Variants in NLGN1 observed in about 807,000 individuals in gnomAD.
NLGN1 encodes neuroligin 1, also known as neuroligin-1.
NLGN1 carries 12 observed loss-of-function variants against 65.5 expected under a neutral mutation model. The observed-to-expected ratio is 0.18, with a 90% CI of 0.12 to 0.30. The LOEUF is 0.30. Among genes scored for constraint, NLGN1 ranks in the 10% least tolerant of loss-of-function variants. The pLI is 1.00. For missense variants in NLGN1, 750 were observed against 1,007.1 expected (o/e 0.74, Z 3.46); for synonymous variants, 350 against 359.5 (o/e 0.97, Z 0.30).
intron 2 of NLGN1, among the ~76,000 whole-genome samples, chr3:173,468,220 TA>T (rs1240609744): frequency 6.6e-6 from 1 of 152,100 alleles, no homozygotes; most frequent in Non-Finnish European, 1.5e-5. Context: ...AATGAATAAA[TA>T]ACTGGATTAG....
intron 4 of NLGN1, among the ~76,000 whole-genome samples, chr3:174,032,948 C>A (rs1235671747): frequency 6.6e-6 from 1 of 151,614 alleles, no homozygotes; most frequent in African/African-American, 2.4e-5. Flanking sequence ...CAGTGGGGGA[C>A]AGAAGCAAAT....
intron 4 of NLGN1, among the ~76,000 whole-genome samples, chr3:173,872,306 G>A (rs751052205): frequency 8.5e-5 from 13 of 152,204 alleles, no homozygotes; most frequent in African/African-American, 2.7e-4. Flanking sequence ...CGTCCCCAGT[G>A]TGGGCCTATG....
intron 3 of NLGN1, among the ~76,000 whole-genome samples, chr3:173,771,563 A>G (rs952855953): frequency 9.2e-5 from 5 of 54,550 alleles, no homozygotes; most frequent in Admixed American, 7.8e-4. Flanking sequence ...GAAAATAACT[A>G]ACACCTTGAA....
chr3:173,606,611 G>A (rs1421166816), intron 3 of NLGN1, among the ~76,000 whole-genome samples: 2 of 151,910 alleles, frequency 1.3e-5, no homozygotes, highest in African/African-American at 4.8e-5. Context: ...AAACTGTTCT[G>A]TTCTACTGGG....
intron 2 of NLGN1, among the ~76,000 whole-genome samples, chr3:173,451,825 A>G (rs916706722): frequency 2.0e-5 from 3 of 152,238 alleles, no homozygotes; most frequent in South Asian, 2.1e-4. Flanking sequence ...TGCTAGCATG[A>G]GCAAGGCTCC....
At chr3:173,517,785 T>TCTAC (rs1182028396) in intron 2 of NLGN1, among the ~76,000 whole-genome samples, 1 of 151,918 alleles carries the variant, frequency 6.6e-6, no homozygotes, top group Non-Finnish European at 1.5e-5. Flanking sequence ...TATCTATCTA[T>TCTAC]CTATCTATCT....
At chr3:174,042,979 G>A (rs1159197431) in intron 4 of NLGN1, among the ~76,000 whole-genome samples, 1 of 152,106 alleles carries the variant, frequency 6.6e-6, no homozygotes, top group Non-Finnish European at 1.5e-5. Context: ...TGCATAGCTG[G>A]GGAGGCCTCA....
At chr3:174,124,601 A>C (rs538918364) in intron 4 of NLGN1, among the ~76,000 whole-genome samples, 1 of 146,324 alleles carries the variant, frequency 6.8e-6, no homozygotes, top group African/African-American at 2.5e-5. Context: ...ATACGTATAC[A>C]TATATACGTA....
At chr3:174,203,570 A>T (rs1372424261) in intron 4 of NLGN1, among the ~76,000 whole-genome samples, 1 of 152,162 alleles carries the variant, frequency 6.6e-6, no homozygotes, top group East Asian at 1.9e-4. Context: ...TGCAGAAGGC[A>T]GACAGAGATC....
chr3:174,034,624 G>A (rs753298274), intron 4 of NLGN1, among the ~76,000 whole-genome samples: 4 of 151,996 alleles, frequency 2.6e-5, no homozygotes, highest in Admixed American at 6.6e-5. Context: ...GGTAGACATC[G>A]ATTAGTTTAA....
chr3:173,896,685 G>A (rs9882870), intron 4 of NLGN1, among the ~76,000 whole-genome samples: 31,293 of 151,942 alleles, frequency 0.21, 3,607 homozygotes, highest in East Asian at 0.35. Context: ...CCCAGTCTCT[G>A]GTCACAGTTC....
At chr3:173,981,389 G>A (rs1718743136) in intron 4 of NLGN1, among the ~76,000 whole-genome samples, 1 of 152,134 alleles carries the variant, frequency 6.6e-6, no homozygotes, top group Non-Finnish European at 1.5e-5. Flanking sequence ...ATGGTAAAAT[G>A]TTTAGTAAGA....
chr3:173,952,777 C>CTT (rs201322891), intron 4 of NLGN1, among the ~76,000 whole-genome samples: 7 of 138,120 alleles, frequency 5.1e-5, no homozygotes, highest in Admixed American at 7.3e-5. Flanking sequence ...TAAAATTTAC[C>CTT]TTTTTTTTTT....
intron 4 of NLGN1, among the ~76,000 whole-genome samples, chr3:174,128,432 A>C (rs1719426010): frequency 6.6e-6 from 1 of 152,214 alleles, no homozygotes; most frequent in African/African-American, 2.4e-5. Flanking sequence ...ACGTTTTCTG[A>C]AATATTTTCA....
intron 3 of NLGN1, among the ~76,000 whole-genome samples, chr3:173,766,297 C>T (rs1778785913): frequency 6.6e-6 from 1 of 152,038 alleles, no homozygotes; most frequent in Non-Finnish European, 1.5e-5. Context: ...CCATATTGGC[C>T]AGGCTGGTCT....
intron 4 of NLGN1, among the ~76,000 whole-genome samples, chr3:174,039,889 A>G (rs1731913988): frequency 6.6e-6 from 1 of 152,160 alleles, no homozygotes; most frequent in Non-Finnish European, 1.5e-5. Context: ...CAAAATAAGT[A>G]GGACTTTCGT....
chr3:173,929,643 A>G (rs534766065), intron 4 of NLGN1, among the ~76,000 whole-genome samples: 1 of 149,996 alleles, frequency 6.7e-6, no homozygotes, highest in African/African-American at 2.4e-5. Flanking sequence ...AGAGAAACAA[A>G]TCTCCTTATT....
chr3:173,766,382 C>A (rs555359560), intron 3 of NLGN1, among the ~76,000 whole-genome samples: 1 of 152,250 alleles, frequency 6.6e-6, no homozygotes, highest in East Asian at 1.9e-4. Context: ...AGCCACTGCA[C>A]CCAGCCTCAT....
intron 3 of NLGN1, among the ~76,000 whole-genome samples, chr3:173,731,176 C>G (rs1352647698): frequency 6.6e-6 from 1 of 151,910 alleles, no homozygotes; most frequent in Non-Finnish European, 1.5e-5. Flanking sequence ...TGTGTTATTA[C>G]CAGATTTTTA....
Sources: allele counts gnomAD v4.1 joint callset (sites outside exome capture counted in the v4.1 genomes callset), GRCh38; gene constraint gnomAD v4.1.1; transcripts MANE v1.5; gene names NCBI Gene and HGNC (gene_info 2026-07-23, HGNC 2026-07-21).